THOC2: variants seen among roughly 807,000 people sequenced by gnomAD.
THOC2 encodes THO complex 2.
THOC2 carries 10 observed loss-of-function variants against 128.4 expected under a neutral mutation model. The ratio of observed to expected loss-of-function variants is 0.08; its 90% CI spans 0.05 to 0.13. THOC2 has a LOEUF of 0.13. Among genes scored for constraint, THOC2 ranks in the 10% least tolerant of loss-of-function variants. The probability of loss-of-function intolerance (pLI) is 1.00; values close to 1 mark genes in which losing one functional copy is unlikely to be tolerated. For missense variants in THOC2, 535 were observed against 1,155.7 expected, an observed-to-expected ratio of 0.46 and a Z score of 7.79; for synonymous variants, 393 against 396.9, an observed-to-expected ratio of 0.99 and a Z score of 0.12.
At chrX:123,686,523 T>G (rs1455262718) in intron 8 of THOC2, 25 bp downstream of exon 8, 1 of 1,116,649 alleles carries the variant, frequency 9.0e-7, no homozygotes, top group East Asian at 3.0e-5. Flanking sequence ...TCTCTAAATA[T>G]ACATACATAC....
rs1014857535 is a variant in THOC2 at position 123,624,519 on chromosome X, T to G, written c.3186+22A>C. 1.2e-5 allele frequency: 14 copies of G among 1,195,519 alleles called. No individual in the cohort carries two copies. The African/African-American group carries it at 2.1e-4, about 18-fold the overall frequency. On this transcript the variant is annotated intron_variant, in intron 26 of 38. Transcript: ENST00000245838. ...GGTCATTATATACATGGGTAAAATA[T>G]AAGGGTTTTTATTAGTCATACCTTT...
chrX:123,707,786 T>C (rs2050994847), intron 2 of THOC2, among the ~76,000 whole-genome samples: 1 of 110,696 alleles, frequency 9.0e-6, no homozygotes, highest in Non-Finnish European at 1.9e-5. Context: ...TTGAGTGGAA[T>C]CAAAATTTTT....
chrX:123,685,225 G>C (rs1403573093), intron 8 of THOC2, among the ~76,000 whole-genome samples: 2 of 112,340 alleles, frequency 1.8e-5, no homozygotes, highest in African/African-American at 3.2e-5. Flanking sequence ...TTTACAATCT[G>C]GCAAAGGAGA....
chrX:123,632,663 C>G (rs1021173486), intron 21 of THOC2, among the ~76,000 whole-genome samples, 198 bp downstream of exon 21: 1 of 111,003 alleles, frequency 9.0e-6, no homozygotes, highest in African/African-American at 3.3e-5. Flanking sequence ...GACAGCCTTA[C>G]ATATAACATC....
At chrX:123,673,109 T>A (rs2049346365) in intron 8 of THOC2, among the ~76,000 whole-genome samples, 2 of 111,942 alleles carry the variant, frequency 1.8e-5, no homozygotes, top group Admixed American at 9.5e-5. Context: ...AAGGCCAAGG[T>A]GGTCAGATCA....
chrX:123,651,727 C>A (rs771198964), intron 12 of THOC2, among the ~76,000 whole-genome samples: 6 of 103,244 alleles, frequency 5.8e-5, no homozygotes, highest in East Asian at 3.1e-4. Context: ...ACACATACGC[C>A]CCCCCCCCAA....
rs1276951034 is a variant in THOC2 at position 123,640,141 on chromosome X, C to T, written c.1746+397G>A. Among the ~76,000 whole-genome samples, 5 of 111,174 alleles carry T rather than the reference C, an allele frequency of 4.5e-5. No homozygotes were observed. The Admixed American group carries it at 4.8e-4, about 11-fold the overall frequency. On this transcript the variant is annotated intron_variant, in intron 16 of 38. Transcript: ENST00000245838. ...GGCAGAGGTTGCGGTGAGCCAAGAT[C>T]GGGTCACTGCACTCCAGCCTGGGCA...
At chrX:123,722,905 G>A (rs2051766852) in intron 1 of THOC2, among the ~76,000 whole-genome samples, 1 of 111,889 alleles carries the variant, frequency 8.9e-6, no homozygotes, top group African/African-American at 3.2e-5. Context: ...CAGTACAGGC[G>A]TGGTGGCTCA....
In THOC2 at chrX:123,621,479, A is replaced by G; in HGVS notation, c.3894T>C (p.Asp1298=). 1 of 1,209,935 alleles carries G rather than the reference A, an allele frequency of 8.3e-7. No individual in the cohort carries two copies. The highest frequency in any genetic ancestry group is 1.1e-6 in the Non-Finnish European group (1 of 895,070). ...GCTCTTCCTTTGGTTTTTCTTTACCATCTTTACCAAGTACCCTGGCCTCTG... is the reference window on the plus strand; with the variant it reads ...GCTCTTCCTTTGGTTTTTCTTTACCGTCTTTACCAAGTACCCTGGCCTCTG... ...TTPEARVLGK[D]GKEKPKEERP... is the part of the protein sequence containing the mutation. The change falls in exon 31 of 39, where the codon GAT becomes GAC. Residue 1298 remains aspartate (D), a synonymous_variant. Transcript: ENST00000245838.
At chrX:123,725,790 C>T (rs751726252) in intron 1 of THOC2, among the ~76,000 whole-genome samples, 22 of 111,230 alleles carry the variant, frequency 2.0e-4, no homozygotes, top group Admixed American at 5.8e-4. Flanking sequence ...AAAATGCCAT[C>T]TAGGTCTTTT....
intron 22 of THOC2, among the ~76,000 whole-genome samples, chrX:123,629,316 C>T (rs1274832324): frequency 1.9e-5 from 2 of 107,990 alleles, no homozygotes; most frequent in South Asian, 8.4e-4. Context: ...GATGAAAGAG[C>T]TCTCATCCAG....
chrX:123,606,341 C>T (rs1244320294), intron 38 of THOC2, among the ~76,000 whole-genome samples: 1 of 109,824 alleles, frequency 9.1e-6, no homozygotes, highest in Non-Finnish European at 1.9e-5. Context: ...CCTGTAATCC[C>T]AGCATTTTGG....
chrX:123,630,239 G>T (rs2047422498), intron 22 of THOC2, among the ~76,000 whole-genome samples: 2 of 111,950 alleles, frequency 1.8e-5, no homozygotes, highest in African/African-American at 6.5e-5. Flanking sequence ...CAAATTGCCT[G>T]GGGAACTAGA....
intron 8 of THOC2, among the ~76,000 whole-genome samples, chrX:123,674,943 C>G (rs1461860075): frequency 1.8e-5 from 2 of 111,272 alleles, no homozygotes; most frequent in African/African-American, 6.5e-5. Context: ...CAGCATCACA[C>G]AATATACCCA....
rs1335515039 is a variant in THOC2, at chrX:123,644,604, T to C, written c.1632A>G (p.Gln544=). The part of the protein sequence containing the change: ...SHPLLVKVKA[Q]TIDRAKYIMK... The stretch of plus-strand genomic sequence containing the variant: ...TGATATATTTGGCTCTGTCTATTGT[T>C]TGAGCTTTAACTTTTACTAAAAGTG... The change falls in exon 15 of 39, where the codon CAA becomes CAG. Residue 544 remains glutamine (Q), a synonymous_variant. Coordinates refer to ENST00000245838, the MANE Select transcript of THOC2 (RefSeq NM_001081550.2). 4.2e-6 allele frequency: 5 copies of C among 1,201,621 alleles called. No homozygotes were observed. Among genetic ancestry groups the C allele is most frequent in the Non-Finnish European group, 5.6e-6 (5 of 889,844 alleles).
At chrX:123,704,300 G>T (rs1423815627) in intron 3 of THOC2, among the ~76,000 whole-genome samples, 1 of 111,784 alleles carries the variant, frequency 8.9e-6, no homozygotes, top group African/African-American at 3.3e-5. Flanking sequence ...CAGAAAAACA[G>T]AAATCTTGAA....
At chrX:123,700,895 CATT>C (rs772151273) in intron 4 of THOC2, among the ~76,000 whole-genome samples, 123 of 111,310 alleles carry the variant, frequency 1.1e-3, no homozygotes, top group Non-Finnish European at 1.9e-3. Flanking sequence ...TCATCATCAT[CATT>C]ATTATTAGAG....
intron 22 of THOC2, among the ~76,000 whole-genome samples, chrX:123,629,313 G>C (rs1221110069): frequency 9.3e-6 from 1 of 107,955 alleles, no homozygotes; most frequent in African/African-American, 3.4e-5. Flanking sequence ...TAGGATGAAA[G>C]AGCTCTCATC....
chrX:123,630,405 G>C (rs915453297), intron 22 of THOC2, among the ~76,000 whole-genome samples: 1 of 110,405 alleles, frequency 9.1e-6, no homozygotes. Flanking sequence ...CTGAGGTCAG[G>C]AGTTTGAGAC....
Sources: allele counts gnomAD v4.1 joint callset (sites outside exome capture counted in the v4.1 genomes callset), GRCh38; gene constraint gnomAD v4.1.1; transcripts MANE v1.5; gene names NCBI Gene and HGNC (gene_info 2026-07-23, HGNC 2026-07-21).